The following PPFIA1 variants were observed in gnomAD, a reference collection of about 807,000 sequenced individuals.
PPFIA1 encodes the protein liprin-alpha-1.
In PPFIA1, 25 loss-of-function variants were observed where a neutral mutation model predicts 149.9. The ratio of observed to expected loss-of-function variants is 0.17; its 90% CI spans 0.12 to 0.23. The LOEUF (loss-of-function observed/expected upper bound fraction) is 0.23, where lower values mean the gene tolerates loss of function less well. Ranked by LOEUF, PPFIA1 falls within the 10% of genes least tolerant of loss-of-function variation. The pLI, the probability that PPFIA1 is intolerant of heterozygous loss-of-function variation, is 1.00. For synonymous variants in PPFIA1, 549 were observed against 552.8 expected (o/e 0.99, Z 0.10); for missense variants, 1,362 against 1,506.5 (o/e 0.90, Z 1.59).
intron 2 of PPFIA1, among the ~76,000 whole-genome samples, chr11:70,316,483 T>C (rs772355270): frequency 5.3e-5 from 8 of 152,168 alleles, no homozygotes; most frequent in Non-Finnish European, 1.2e-4. Flanking sequence ...AAAACAGAGC[T>C]ATTGAAGGAG....
At chr11:70,300,484 C>T (rs1004157295) in intron 2 of PPFIA1, among the ~76,000 whole-genome samples, 2 of 152,012 alleles carry the variant, frequency 1.3e-5, no homozygotes, top group African/African-American at 4.8e-5. Flanking sequence ...CTTCTCCTGC[C>T]TCAGCCTCTC....
intron 16 of PPFIA1, chr11:70,350,937 T>C: frequency 9.3e-7 from 1 of 1,076,250 alleles, no homozygotes; most frequent in South Asian, 1.7e-5. Context: ...AATTTTTAAC[T>C]TCAAAGTGTA....
chr11:70,365,841 G>T, intron 21 of PPFIA1: 1 of 419,312 alleles, frequency 2.4e-6, no homozygotes, highest in South Asian at 1.7e-5. Flanking sequence ...TTTTCACTCA[G>T]TGAAGCTGCA....
chr11:70,292,085 C>T (rs1027585762), intron 2 of PPFIA1, among the ~76,000 whole-genome samples: 1 of 152,110 alleles, frequency 6.6e-6, no homozygotes, highest in Non-Finnish European at 1.5e-5. Context: ...GATCCACCCA[C>T]CTCTGCCTCC....
chr11:70,368,918 G>A (rs553960732), intron 21 of PPFIA1, among the ~76,000 whole-genome samples: 3 of 149,092 alleles, frequency 2.0e-5, no homozygotes, highest in South Asian at 2.1e-4. Context: ...GACATCCTTC[G>A]TTTGTTCCTT....
chr11:70,340,161 G>C (rs1304683827), intron 14 of PPFIA1, among the ~76,000 whole-genome samples: 1 of 151,672 alleles, frequency 6.6e-6, no homozygotes, highest in African/African-American at 2.4e-5. Flanking sequence ...GAAAAAATTA[G>C]TTGGGTGTGG....
chr11:70,339,337 A>T (rs775944225), intron 14 of PPFIA1, 31 bp downstream of exon 14: 2 of 1,596,184 alleles, frequency 1.3e-6, no homozygotes, highest in South Asian at 1.1e-5. Flanking sequence ...ACCTCTGCTT[A>T]CGTGAAAGTT....
At position 70,328,372 on chromosome 11, in the gene PPFIA1, C is replaced by T. The variant is rs904157286; in HGVS notation, c.930+1554C>T. On this transcript the variant is annotated intron_variant, in intron 7 of 27. Transcript: ENST00000253925. ...TTCTGTGTTTGCTAAAGATAATGGCCGCCAGCTCCATCCATGTCTCTGCAA... is the reference window on the plus strand; with the variant it reads ...TTCTGTGTTTGCTAAAGATAATGGCTGCCAGCTCCATCCATGTCTCTGCAA... Among the ~76,000 whole-genome samples the T allele has an allele frequency of 5.9e-5, 9 of 152,056 alleles. 1 individual carries two copies. Among genetic ancestry groups the T allele is most frequent in the Admixed American group, 3.3e-4 (5 of 15,268 alleles).
intron 2 of PPFIA1, among the ~76,000 whole-genome samples, chr11:70,323,539 A>G (rs528924455): frequency 1.3e-5 from 2 of 152,268 alleles, no homozygotes; most frequent in African/African-American, 4.8e-5. Context: ...GCACTACATT[A>G]TCAGCTGCAG....
rs564267450 is a variant in PPFIA1 at position 70,314,405 on chromosome 11, C to T, written c.265-9997C>T. 1.7e-4 allele frequency among the ~76,000 whole-genome samples: 26 copies of T among 152,030 alleles called. No homozygotes were observed. In the South Asian group the frequency reaches 2.5e-3, roughly 15 times the overall value. ...ACAAGTTACGTGTCCATGTGGACAC[C>T]GTGTATTCTGGTCATGTCCTTGGGT... On this transcript the variant is annotated intron_variant, in intron 2 of 27. Transcript: ENST00000253925.
intron 2 of PPFIA1, chr11:70,279,080 C>T (rs1000616720): frequency 3.0e-5 from 15 of 507,226 alleles, no homozygotes; most frequent in Non-Finnish European, 4.8e-5. Flanking sequence ...AGTCTTTTGA[C>T]GCATTTCTTG....
intron 16 of PPFIA1, 36 bp downstream of exon 16, chr11:70,348,456 C>A: frequency 6.7e-7 from 1 of 1,494,868 alleles, no homozygotes; most frequent in Non-Finnish European, 9.3e-7. Flanking sequence ...TGGCTGCCCT[C>A]AGCATACCTG....
In PPFIA1 at chr11:70,330,243, G is replaced by A. The variant is rs762999066; in HGVS notation, c.1001G>A (p.Arg334His). The A allele has an allele frequency of 4.4e-6, 7 of 1,601,676 alleles. No individual in the cohort carries two copies. The highest frequency in any genetic ancestry group is 6.0e-6 in the Non-Finnish European group (7 of 1,174,826). The change falls in exon 8 of 28, where the codon CGT becomes CAT. Residue 334 changes from arginine (R) to histidine (H), a missense_variant. Physicochemically the swap from Arg to His is conservative, Grantham distance 29. Around this residue, in one of 7 missense-constraint regions of PPFIA1, gnomAD observed 733 missense variants for 744.1 expected, o/e 0.99. Transcript: ENST00000253925. ...TLEKRYLAAQ[R>H]EATSVHDLND... ...GAAAAACGCTACCTCGCTGCACAGC[G>A]TGAAGCCACATCTGTGCATGACCTC...
At chr11:70,368,655 A>G (rs527933920) in intron 21 of PPFIA1, among the ~76,000 whole-genome samples, 1 of 152,338 alleles carries the variant, frequency 6.6e-6, no homozygotes, top group African/African-American at 2.4e-5. Context: ...TTTAAATTTC[A>G]ATTTTCAGTT....
chr11:70,281,096 T>C (rs1467416603), intron 2 of PPFIA1, among the ~76,000 whole-genome samples: 2 of 152,266 alleles, frequency 1.3e-5, no homozygotes, highest in African/African-American at 4.8e-5. Context: ...AACTCTATTA[T>C]ATGGGTCACC....
intron 2 of PPFIA1, among the ~76,000 whole-genome samples, chr11:70,311,797 G>A (rs1591164778): frequency 6.6e-6 from 1 of 150,828 alleles, no homozygotes; most frequent in African/African-American, 2.4e-5. Flanking sequence ...GAGGTTGGAA[G>A]GGTCAGTTTG....
chr11:70,344,413 C>A (rs2055551679), intron 15 of PPFIA1, among the ~76,000 whole-genome samples: 1 of 152,238 alleles, frequency 6.6e-6, no homozygotes, highest in South Asian at 2.1e-4. Context: ...GAGACCAGCA[C>A]TCAGAACACA....
chr11:70,320,944 A>AT (rs2053901123), intron 2 of PPFIA1, among the ~76,000 whole-genome samples: 1 of 152,270 alleles, frequency 6.6e-6, no homozygotes, highest in South Asian at 2.1e-4. Flanking sequence ...ACCATGGAAA[A>AT]CCTAGTTCTG....
intron 16 of PPFIA1, chr11:70,350,037 C>T: frequency 4.5e-6 from 2 of 445,326 alleles, no homozygotes; most frequent in South Asian, 3.2e-5. Flanking sequence ...ACAGCATGCT[C>T]AGGTAACCAC....
Sources: allele counts gnomAD v4.1 joint callset (sites outside exome capture counted in the v4.1 genomes callset), GRCh38; gene constraint gnomAD v4.1.1; regional missense constraint gnomAD v4.1.1; transcripts MANE v1.5; gene names NCBI Gene and HGNC (gene_info 2026-07-23, HGNC 2026-07-21).